The following RPH3A variants were observed in gnomAD, a reference collection of about 807,000 sequenced individuals.
RPH3A encodes the protein rabphilin 3A.
A neutral mutation model predicts 102.2 loss-of-function variants in RPH3A; 48 were observed. That is an observed-to-expected ratio of 0.47 (90% CI 0.37 to 0.60). The LOEUF (loss-of-function observed/expected upper bound fraction) is 0.60, where lower values mean the gene tolerates loss of function less well. RPH3A is among the 20% of genes least tolerant of loss of function. The probability of loss-of-function intolerance (pLI) is 0.00; values close to 1 mark genes in which losing one functional copy is unlikely to be tolerated. For synonymous variants in RPH3A, 310 were observed against 324.3 expected (o/e 0.96, Z 0.47); for missense variants, 781 against 910.1 (o/e 0.86, Z 1.83).
intron 2 of RPH3A, among the ~76,000 whole-genome samples, chr12:112,822,532 A>G (rs1441041317): frequency 3.3e-5 from 5 of 152,218 alleles, no homozygotes; most frequent in Non-Finnish European, 7.3e-5. Flanking sequence ...CCAGGGGAGA[A>G]GCAGGCAGAA....
At chr12:112,661,228 C>G (rs1160164330) in intron 1 of RPH3A, among the ~76,000 whole-genome samples, 1 of 152,078 alleles carries the variant, frequency 6.6e-6, no homozygotes, top group Non-Finnish European at 1.5e-5. Flanking sequence ...TCTTGGGTGC[C>G]TCACTTAGCT....
intron 1 of RPH3A, among the ~76,000 whole-genome samples, chr12:112,650,449 A>T (rs192036533): frequency 1.1e-3 from 167 of 152,264 alleles, no homozygotes; most frequent in African/African-American, 3.8e-3. Context: ...CTTTTCATTG[A>T]ACTAAGGCTT....
chr12:112,799,037 C>G (rs2041289952), intron 2 of RPH3A, among the ~76,000 whole-genome samples: 1 of 152,176 alleles, frequency 6.6e-6, no homozygotes, highest in South Asian at 2.1e-4. Flanking sequence ...GGTCACCAAC[C>G]ATTCAGCTTT....
rs575241274 is a variant in RPH3A at position 112,810,589 on chromosome 12, G to C, written c.-18-17712G>C. On this transcript the variant is annotated intron_variant, in intron 2 of 21. Coordinates refer to ENST00000389385, the MANE Select transcript of RPH3A (RefSeq NM_001143854.2). ...TTTACCTCCTTCTGCCTCCACAAAA[G>C]TGATGGCAGAGGAACCAGGTCGAAA... Among the ~76,000 whole-genome samples, 63 of 152,302 alleles carry C rather than the reference G, an allele frequency of 4.1e-4. 1 individual carries two copies. The highest frequency in any genetic ancestry group is 1.4e-3 in the African/African-American group (59 of 41,568).
chr12:112,680,499 G>A (rs968699586), intron 1 of RPH3A, among the ~76,000 whole-genome samples: 5 of 152,066 alleles, frequency 3.3e-5, no homozygotes, highest in Non-Finnish European at 2.9e-5. Context: ...ACTGAGGCCC[G>A]GAGAAGTCAA....
intron 1 of RPH3A, among the ~76,000 whole-genome samples, chr12:112,654,116 C>T (rs1166658900): frequency 6.6e-6 from 1 of 152,180 alleles, no homozygotes; most frequent in Non-Finnish European, 1.5e-5. Context: ...TGGAATCCCT[C>T]CTGAAGGACC....
At chr12:112,627,252 T>G (rs2039773638) in intron 1 of RPH3A, among the ~76,000 whole-genome samples, 1 of 151,360 alleles carries the variant, frequency 6.6e-6, no homozygotes, top group Non-Finnish European at 1.5e-5. Flanking sequence ...CACTATACAT[T>G]TATATTATAT....
intron 1 of RPH3A, among the ~76,000 whole-genome samples, chr12:112,633,402 A>G (rs1015954437): frequency 6.6e-6 from 1 of 152,192 alleles, no homozygotes; most frequent in Admixed American, 6.5e-5. Context: ...TGATTGAGTC[A>G]TGAGGGCTCA....
chr12:112,866,016 G>A (rs1307515040), intron 6 of RPH3A, among the ~76,000 whole-genome samples: 1 of 152,186 alleles, frequency 6.6e-6, no homozygotes, highest in Non-Finnish European at 1.5e-5. Flanking sequence ...TCAAAGGCGA[G>A]TAATCCTGAA....
chr12:112,621,232 G>C (rs1052014762), intron 1 of RPH3A, among the ~76,000 whole-genome samples: 2 of 151,820 alleles, frequency 1.3e-5, no homozygotes, highest in Non-Finnish European at 2.9e-5. Context: ...GAACAGCTCC[G>C]GTCTACAGCT....
chr12:112,617,139 G>T (rs2039686382), intron 1 of RPH3A, among the ~76,000 whole-genome samples: 1 of 152,204 alleles, frequency 6.6e-6, no homozygotes, highest in Non-Finnish European at 1.5e-5. Context: ...GCACATCTCT[G>T]CTCCCGGTTT....
chr12:112,590,373 T>A (rs961651709), intron 1 of RPH3A, among the ~76,000 whole-genome samples: 1 of 152,200 alleles, frequency 6.6e-6, no homozygotes, highest in Non-Finnish European at 1.5e-5. Flanking sequence ...CTCGACTCAA[T>A]CACCTTTCAC....
At chr12:112,832,240 A>T (rs892629597) in intron 3 of RPH3A, among the ~76,000 whole-genome samples, 2 of 152,164 alleles carry the variant, frequency 1.3e-5, no homozygotes, top group Admixed American at 6.5e-5. Flanking sequence ...ACTCTGTCTT[A>T]GAGCATATTA....
At chr12:112,696,599 GT>G (rs1316683024) in intron 1 of RPH3A, among the ~76,000 whole-genome samples, 1 of 152,156 alleles carries the variant, frequency 6.6e-6, no homozygotes, top group Non-Finnish European at 1.5e-5. Context: ...TCCAAGAACA[GT>G]TTTCCTTTTG....
At chr12:112,651,302 G>C (rs1397008928) in intron 1 of RPH3A, among the ~76,000 whole-genome samples, 1 of 151,842 alleles carries the variant, frequency 6.6e-6, no homozygotes, top group Non-Finnish European at 1.5e-5. Flanking sequence ...GGAGGTGGAG[G>C]CTGTAGTGAG....
chr12:112,691,287 C>T (rs1005045386), intron 1 of RPH3A, among the ~76,000 whole-genome samples: 1 of 152,164 alleles, frequency 6.6e-6, no homozygotes, highest in Non-Finnish European at 1.5e-5. Flanking sequence ...GCTGGGATTA[C>T]AGGCGTGAGC....
intron 1 of RPH3A, among the ~76,000 whole-genome samples, chr12:112,779,595 A>G (rs987353985): frequency 1.3e-5 from 2 of 152,182 alleles, no homozygotes; most frequent in Non-Finnish European, 2.9e-5. Context: ...TCCATTGTAC[A>G]GATGGAGAAG....
intron 1 of RPH3A, among the ~76,000 whole-genome samples, chr12:112,671,090 T>G (rs2040126241): frequency 1.3e-5 from 2 of 152,254 alleles, no homozygotes; most frequent in Non-Finnish European, 2.9e-5. Flanking sequence ...ATGAGCCATT[T>G]ACTTTAATGA....
intron 1 of RPH3A, among the ~76,000 whole-genome samples, chr12:112,594,584 C>A (rs1173516154): frequency 1.3e-5 from 2 of 152,106 alleles, no homozygotes; most frequent in African/African-American, 4.8e-5. Context: ...GTGAGTATTC[C>A]ATGCTAGGAC....
Sources: allele counts gnomAD v4.1 joint callset (sites outside exome capture counted in the v4.1 genomes callset), GRCh38; gene constraint gnomAD v4.1.1; transcripts MANE v1.5; gene names NCBI Gene and HGNC (gene_info 2026-07-23, HGNC 2026-07-21).